RUFY4: variants seen among roughly 807,000 people sequenced by gnomAD.
RUFY4 encodes RUN and FYVE domain-containing protein 4.
A neutral mutation model predicts 69.0 loss-of-function variants in RUFY4; 73 were observed. The observed-to-expected ratio is 1.06, with a 90% CI of 0.88 to 1.29. The LOEUF is 1.29. RUFY4 is among the 50% of genes most tolerant of loss of function. RUFY4 has a pLI of 0.00. For missense variants in RUFY4, 770 were observed against 705.6 expected (o/e 1.09, Z -1.03); for synonymous variants, 287 against 271.8 (o/e 1.06, Z -0.55).
At chr2:218,068,137 G>GGAGGATGGCAGGGGGCTA (rs1335551474), upstream of RUFY4, among the ~76,000 whole-genome samples, 14 of 133,612 alleles carry the variant, frequency 1.0e-4, no homozygotes, top group South Asian at 2.6e-4. Flanking sequence ...GCAGGGGACT[G>GGAGGATGGCAGGGGGCTA]GAGGAGGGCA....
At chr2:218,070,193 CA>C, upstream of RUFY4, 1 of 266,144 alleles carries the variant, frequency 3.8e-6, no homozygotes, top group South Asian at 4.6e-5. Flanking sequence ...ACCCAGAACA[CA>C]GGCCCTGTGG....
intron 3 of RUFY4, 114 bp from the exon 6 acceptor site, chr2:218,072,665 C>G: frequency 7.7e-7 from 1 of 1,297,474 alleles, no homozygotes; most frequent in Non-Finnish European, 1.0e-6. Context: ...CCCATGGCCT[C>G]AGGTCCCCCT....
intron 2 of RUFY4, among the ~76,000 whole-genome samples, chr2:218,049,121 T>A (rs1688890151): frequency 6.6e-6 from 1 of 152,228 alleles, no homozygotes; most frequent in Admixed American, 6.5e-5. Context: ...GTTCACAGCA[T>A]TTTTTGTTGT....
intron 2 of RUFY4, 112 bp from the exon 5 acceptor site, chr2:218,072,262 T>A: frequency 7.6e-7 from 1 of 1,314,382 alleles, no homozygotes; most frequent in Non-Finnish European, 1.0e-6. Flanking sequence ...GGATGCCGGG[T>A]GTGTCTGCAG....
chr2:218,086,939 C>T (rs1186873150), intron 9 of RUFY4, among the ~76,000 whole-genome samples: 1 of 151,540 alleles, frequency 6.6e-6, no homozygotes, highest in Non-Finnish European at 1.5e-5. Flanking sequence ...GCAAGTAATG[C>T]AAGGAAAAAA....
At chr2:218,084,325 G>A (rs961432577) in intron 9 of RUFY4, among the ~76,000 whole-genome samples, 3 of 151,820 alleles carry the variant, frequency 2.0e-5, no homozygotes, top group African/African-American at 4.8e-5. Context: ...TCTGCGTCCC[G>A]GATTCAAGCG....
Position 218,044,599 on chromosome 2 carries a change from C to T in RUFY4, c.-1158+9205C>T, listed in dbSNP as rs1029593727. 3.3e-5 allele frequency among the ~76,000 whole-genome samples: 5 copies of T among 152,282 alleles called. No homozygotes were observed. The East Asian group carries it at 9.6e-4, about 29-fold the overall frequency. On this transcript the variant is annotated intron_variant and NMD_transcript_variant, in intron 2 of 13. Transcript: ENST00000457754. ...CCTTTTTCTTTCTCCTCCCACCCTCCATCCTCTGATAAACCCCCCAGTGTG... is the reference window on the plus strand; with the variant it reads ...CCTTTTTCTTTCTCCTCCCACCCTCTATCCTCTGATAAACCCCCCAGTGTG...
At chr2:218,066,588 T>C (rs1471135305), upstream of RUFY4, among the ~76,000 whole-genome samples, 1 of 152,260 alleles carries the variant, frequency 6.6e-6, no homozygotes, top group Admixed American at 6.5e-5. Flanking sequence ...AAAATAATTA[T>C]GTGTTAACAG....
chr2:218,039,337 T>C (rs1959026778), intron 2 of RUFY4, among the ~76,000 whole-genome samples: 1 of 152,202 alleles, frequency 6.6e-6, no homozygotes, highest in African/African-American at 2.4e-5. Context: ...CGGGCATACC[T>C]GTGGTATGAG....
At chr2:218,054,194 GC>G (rs1320374385) in intron 2 of RUFY4, among the ~76,000 whole-genome samples, 1 of 152,082 alleles carries the variant, frequency 6.6e-6, no homozygotes, top group East Asian at 1.9e-4. Context: ...TTCTCTAAAG[GC>G]ATCTGCAATC....
chr2:218,084,431 C>T (rs796713319), intron 9 of RUFY4, among the ~76,000 whole-genome samples: 22 of 152,106 alleles, frequency 1.4e-4, no homozygotes, highest in Admixed American at 3.9e-4. Flanking sequence ...GGGATTTCAC[C>T]ATGTTGGTCA....
At chr2:218,073,116 G>A (rs1409894290) in intron 4 of RUFY4, 127 bp from the exon 7 acceptor site, 3 of 1,272,266 alleles carry the variant, frequency 2.4e-6, no homozygotes, top group Non-Finnish European at 2.1e-6. Flanking sequence ...CTCTGCCTGG[G>A]GAACAGCCTC....
exon 3 of RUFY4, chr2:218,072,427 C>T: frequency 6.5e-7 from 1 of 1,537,414 alleles, no homozygotes. Flanking sequence ...ATTACTGGGA[C>T]TTTCTCTGCA....
exon 11 of RUFY4, chr2:218,090,072 C>T: frequency 6.8e-7 from 1 of 1,478,522 alleles, no homozygotes; most frequent in African/African-American, 1.4e-5. Context: ...CAAGACCAGC[C>T]CATGACTGGC....
chr2:218,062,224 C>A (rs182687228), intron 3 of RUFY4, among the ~76,000 whole-genome samples: 217 of 152,060 alleles, frequency 1.4e-3, no homozygotes, highest in Middle Eastern at 6.8e-3. Flanking sequence ...ATGGTGAAAC[C>A]CCGTCTCTAC....
In RUFY4 at chr2:218,040,182, C is replaced by A. The variant is rs527687471; in HGVS notation, c.-1158+4788C>A. 3.7e-4 allele frequency among the ~76,000 whole-genome samples: 56 copies of A among 152,340 alleles called. No individual in the cohort carries two copies. In the Middle Eastern group the frequency reaches 0.017, roughly 46 times the overall value. On this transcript the variant is annotated intron_variant and NMD_transcript_variant, in intron 2 of 13. Coordinates refer to the RUFY4 transcript ENST00000457754. ...GTGGAAAATTCAGATAATGGATCCTCAACCCCAGCTTCACACCTGGGACCC... is the reference window on the plus strand; with the variant it reads ...GTGGAAAATTCAGATAATGGATCCTAAACCCCAGCTTCACACCTGGGACCC...
chr2:218,086,983 G>A (rs954363329), intron 9 of RUFY4, among the ~76,000 whole-genome samples: 18 of 152,146 alleles, frequency 1.2e-4, no homozygotes, highest in African/African-American at 4.3e-4. Context: ...AAAACCAAAA[G>A]CCTTCCAAGA....
At chr2:218,062,593 CCTAG>C (rs1689225586) in intron 3 of RUFY4, among the ~76,000 whole-genome samples, 2 of 152,040 alleles carry the variant, frequency 1.3e-5, no homozygotes, top group African/African-American at 2.4e-5. Context: ...CACCTGTAGT[CCTAG>C]CTACCTGGGA....
chr2:218,083,025 T>G, intron 8 of RUFY4, 85 bp from the exon 11 acceptor site: 1 of 1,450,684 alleles, frequency 6.9e-7, no homozygotes, highest in South Asian at 1.2e-5. Context: ...TCCCATGGGC[T>G]CCCTCTCTGG....
Sources: allele counts gnomAD v4.1 joint callset (sites outside exome capture counted in the v4.1 genomes callset), GRCh38; gene constraint gnomAD v4.1.1; transcripts MANE v1.5; gene names NCBI Gene and HGNC (gene_info 2026-07-23, HGNC 2026-07-21).